TECRL: variants seen among roughly 807,000 people sequenced by gnomAD.
TECRL encodes the protein trans-2,3-enoyl-CoA reductase like, also known as trans-2,3-enoyl-CoA reductase-like.
A neutral mutation model predicts 52.8 loss-of-function variants in TECRL; 63 were observed. The ratio of observed to expected loss-of-function variants is 1.19; its 90% CI spans 0.97 to 1.47. The LOEUF (loss-of-function observed/expected upper bound fraction) is 1.47. Ranked by LOEUF, TECRL falls within the 40% of genes most tolerant of loss-of-function variation. The probability of loss-of-function intolerance (pLI) is 0.00; values close to 1 mark genes in which losing one functional copy is unlikely to be tolerated. For synonymous variants in TECRL, 164 were observed against 141.9 expected (o/e 1.16, Z -1.10); for missense variants, 482 against 429.6 (o/e 1.12, Z -1.08).
At chr4:64,395,124 T>A (rs1312731432) in intron 1 of TECRL, among the ~76,000 whole-genome samples, 3 of 151,908 alleles carry the variant, frequency 2.0e-5, no homozygotes, top group African/African-American at 7.3e-5. Flanking sequence ...TGGTCTATGT[T>A]GGCCAGGCTG....
chr4:64,346,886 C>T (rs1720027492), intron 2 of TECRL, among the ~76,000 whole-genome samples: 1 of 152,226 alleles, frequency 6.6e-6, no homozygotes, highest in Non-Finnish European at 1.5e-5. Context: ...AAACTAAACC[C>T]TGTCCTTACT....
At chr4:64,291,586 A>G (rs1459605975) in intron 8 of TECRL, among the ~76,000 whole-genome samples, 1 of 151,986 alleles carries the variant, frequency 6.6e-6, no homozygotes, top group Non-Finnish European at 1.5e-5. Context: ...TTTTGAGATT[A>G]TTAATATTTT....
At chr4:64,305,353 A>T (rs952540316) in intron 6 of TECRL, 115 bp from the exon 7 acceptor site, 2 of 781,834 alleles carry the variant, frequency 2.6e-6, no homozygotes, top group African/African-American at 3.5e-5. Flanking sequence ...ACATACATTT[A>T]TATTAGACAC....
At chr4:64,401,293 A>G (rs951792713) in intron 1 of TECRL, among the ~76,000 whole-genome samples, 15 of 152,204 alleles carry the variant, frequency 9.9e-5, no homozygotes, top group Non-Finnish European at 1.9e-4. Flanking sequence ...TCTGTTTTGA[A>G]GTATCACACC....
chr4:64,348,385 C>T (rs1186216510), intron 2 of TECRL, among the ~76,000 whole-genome samples: 1 of 152,162 alleles, frequency 6.6e-6, no homozygotes, highest in East Asian at 1.9e-4. Flanking sequence ...TCACCTCCCG[C>T]CCTCAACATG....
At chr4:64,322,979 T>C (rs1360636319) in intron 3 of TECRL, among the ~76,000 whole-genome samples, 187 bp from the exon 4 acceptor site, 1 of 152,124 alleles carries the variant, frequency 6.6e-6, no homozygotes, top group South Asian at 2.1e-4. Context: ...CTAGCAACTC[T>C]TCAAATGCAC....
chr4:64,336,462 C>T (rs1719090610), intron 2 of TECRL, among the ~76,000 whole-genome samples: 1 of 152,122 alleles, frequency 6.6e-6, no homozygotes, highest in Non-Finnish European at 1.5e-5. Flanking sequence ...AAAACAGCTC[C>T]TGGATACATT....
chr4:64,375,632 T>C (rs1722345476), intron 1 of TECRL, among the ~76,000 whole-genome samples: 1 of 151,822 alleles, frequency 6.6e-6, no homozygotes, highest in Non-Finnish European at 1.5e-5. Flanking sequence ...TATGGACAAA[T>C]GAGAGAAATG....
intron 2 of TECRL, among the ~76,000 whole-genome samples, chr4:64,329,371 T>A (rs1287699712): frequency 1.3e-5 from 2 of 151,794 alleles, no homozygotes; most frequent in Non-Finnish European, 2.9e-5. Flanking sequence ...TTCAATACAT[T>A]CATGGGAGAA....
chr4:64,394,548 T>C (rs954349128), intron 1 of TECRL, among the ~76,000 whole-genome samples: 2 of 152,168 alleles, frequency 1.3e-5, no homozygotes, highest in African/African-American at 4.8e-5. Context: ...ATATATATTT[T>C]ACATACATTT....
chr4:64,371,899 G>T (rs893898776), intron 2 of TECRL, among the ~76,000 whole-genome samples: 1 of 151,654 alleles, frequency 6.6e-6, no homozygotes, highest in Non-Finnish European at 1.5e-5. Flanking sequence ...GAGAAAAGTG[G>T]GTTACTTGTT....
Position 64,279,184 on chromosome 4 carries a change from C to G in TECRL, c.*888G>C, listed in dbSNP as rs6846282. 0.21 allele frequency: 32,332 copies of G among 152,076 alleles called. 3,576 individuals carry two copies. Among genetic ancestry groups the G allele is most frequent in the East Asian group, 0.28 (1,433 of 5,148 alleles). 9.4% of individuals were successfully genotyped at this position (152,076 alleles called of 1,614,324 possible). A position where few individuals can be genotyped will look rare whatever the true frequency, so the allele number is the denominator to read the frequency against. On this transcript the variant is annotated 3_prime_UTR_variant, in exon 12 of 12. Coordinates refer to ENST00000381210, the MANE Select transcript of TECRL (RefSeq NM_001010874.5). ...AAAGTCCATGTTGTTCTCCACATGG[C>G]TGCTCTAGTTTACATTCCCACCAGC...
chr4:64,344,365 A>AT (rs1719803563), intron 2 of TECRL, among the ~76,000 whole-genome samples: 1 of 152,054 alleles, frequency 6.6e-6, no homozygotes, highest in South Asian at 2.1e-4. Flanking sequence ...TTGATGTTAT[A>AT]TTTTTTTAGT....
chr4:64,380,824 G>T (rs555976067), intron 1 of TECRL, among the ~76,000 whole-genome samples: 1 of 152,140 alleles, frequency 6.6e-6, no homozygotes, highest in East Asian at 1.9e-4. Context: ...AAGTCAGGAA[G>T]TGTGATGCCT....
chr4:64,309,714 G>T (rs932338048), intron 6 of TECRL, 112 bp downstream of exon 6: 6 of 747,192 alleles, frequency 8.0e-6, no homozygotes, highest in African/African-American at 7.2e-5. Context: ...GTATGCTTAT[G>T]CAATTAAACG....
intron 2 of TECRL, among the ~76,000 whole-genome samples, chr4:64,345,496 A>G (rs1194733254): frequency 6.9e-6 from 1 of 144,440 alleles, no homozygotes; most frequent in Non-Finnish European, 1.5e-5. Context: ...TGGGAATTGA[A>G]CAATGAGAAC....
chr4:64,403,396 T>C (rs1724490724), intron 1 of TECRL, among the ~76,000 whole-genome samples: 1 of 151,482 alleles, frequency 6.6e-6, no homozygotes, highest in East Asian at 1.9e-4. Flanking sequence ...TAACTGCCTG[T>C]CTACTTGTCT....
intron 2 of TECRL, among the ~76,000 whole-genome samples, chr4:64,362,580 A>G (rs1485667991): frequency 6.6e-6 from 1 of 152,040 alleles, no homozygotes; most frequent in Non-Finnish European, 1.5e-5. Flanking sequence ...AATTCCAACC[A>G]AGAATTTAAT....
At chr4:64,350,327 T>C (rs1720293804) in intron 2 of TECRL, among the ~76,000 whole-genome samples, 1 of 152,190 alleles carries the variant, frequency 6.6e-6, no homozygotes, top group Non-Finnish European at 1.5e-5. Flanking sequence ...GTCCTGTGGA[T>C]CTCAGCTCTG....
Sources: gnomAD v4.1 joint callset for allele counts (sites outside exome capture counted in the v4.1 genomes callset) on GRCh38, gnomAD v4.1.1 for gene constraint, MANE v1.5 for transcripts, NCBI Gene and HGNC (gene_info 2026-07-23, HGNC 2026-07-21) for gene names.